CLEC12A: variants seen among roughly 807,000 people sequenced by gnomAD.
CLEC12A encodes the protein C-type lectin protein CLL-1.
CLEC12A carries 22 observed loss-of-function variants against 26.5 expected under a neutral mutation model. The ratio of observed to expected loss-of-function variants is 0.83; its 90% confidence interval spans 0.59 to 1.19. The LOEUF (loss-of-function observed/expected upper bound fraction) is 1.19. Among genes scored for constraint, CLEC12A ranks in the 50% most tolerant of loss-of-function variants. CLEC12A has a pLI of 0.00. For synonymous variants in CLEC12A, 119 were observed against 101.9 expected, an observed-to-expected ratio of 1.17 and a Z score of -1.01; for missense variants, 353 against 315.6, an observed-to-expected ratio of 1.12 and a Z score of -0.90.
downstream of CLEC12A, chr12:9,986,129 G>C (rs1009250815): frequency 1.1e-5 from 5 of 455,338 alleles, no homozygotes; most frequent in African/African-American, 1.0e-4. Flanking sequence ...CCACATCTCT[G>C]ATCTTCAAAA....
chr12:9,996,833 A>G (rs1367274727), downstream of CLEC12A: 1 of 1,613,774 alleles, frequency 6.2e-7, no homozygotes, highest in Non-Finnish European at 8.5e-7. Context: ...ATTTGACATA[A>G]GAATCTTCTT....
chr12:9,970,414 C>T (rs1305562620), upstream of CLEC12A, among the ~76,000 whole-genome samples: 1 of 151,994 alleles, frequency 6.6e-6, no homozygotes, highest in African/African-American at 2.4e-5. Context: ...TTTATGCATT[C>T]TCTTTCATAT....
At chr12:9,985,951 C>A, downstream of CLEC12A, 1 of 178,880 alleles carries the variant, frequency 5.6e-6, no homozygotes, top group Non-Finnish European at 1.2e-5. Context: ...GGAGGTTTGA[C>A]CTTGACCTAA....
At chr12:9,964,318 G>A (rs529720589) in intron 1 of CLEC12A, among the ~76,000 whole-genome samples, 2 of 152,122 alleles carry the variant, frequency 1.3e-5, no homozygotes, top group African/African-American at 2.4e-5. Flanking sequence ...CTGCATGTAA[G>A]GTGGGGACAG....
At chr12:9,991,347 T>A (rs906996823) in intron 4 of CLEC12A, 3 of 152,204 alleles carry the variant, frequency 2.0e-5, no homozygotes, top group Non-Finnish European at 4.4e-5. Flanking sequence ...GGCCTACATT[T>A]TTAATTGTAT....
chr12:9,984,982 GC>G lies in CLEC12A; in HGVS notation c.756del (p.Asn253IlefsTer21). ...AAAAAGAATGATATGTGAGAAGATG[GC>G]CAATCCAGTGCAGCTTGGTTCTACA... ...YKKRMICEKM[A>X]NPVQLGSTYF... On this transcript the variant is annotated frameshift_variant, in exon 6 of 6. Coordinates refer to ENST00000304361, the MANE Select transcript of CLEC12A (RefSeq NM_138337.6). LOFTEE classifies it high-confidence loss of function. 1 of 1,550,868 alleles carries G rather than the reference GC, an allele frequency of 6.4e-7. No homozygotes were observed. The highest frequency in any genetic ancestry group is 8.7e-7 in the Non-Finnish European group (1 of 1,146,260).
chr12:9,958,381 A>ATT (rs921771426), intron 1 of CLEC12A, among the ~76,000 whole-genome samples: 2 of 152,172 alleles, frequency 1.3e-5, no homozygotes, highest in African/African-American at 4.8e-5. Flanking sequence ...TGTGAGAACT[A>ATT]TTTACTCTGA....
chr12:9,974,293 A>G (rs1864246693), intron 1 of CLEC12A, among the ~76,000 whole-genome samples: 1 of 152,098 alleles, frequency 6.6e-6, no homozygotes, highest in Non-Finnish European at 1.5e-5. Flanking sequence ...CTCCTCCTAG[A>G]TGAAACTCTA....
At chr12:9,976,206 G>A (rs371241962) in intron 1 of CLEC12A, among the ~76,000 whole-genome samples, 20 of 152,234 alleles carry the variant, frequency 1.3e-4, no homozygotes, top group Middle Eastern at 3.4e-3. Context: ...GTGGACCACC[G>A]TCCTCCAGCT....
chr12:9,989,366 T>TAA (rs34124197), downstream of CLEC12A, among the ~76,000 whole-genome samples: 89 of 150,606 alleles, frequency 5.9e-4, no homozygotes, highest in Middle Eastern at 3.4e-3. Context: ...AGTATAATAA[T>TAA]AAAAAAAAAG....
chr12:9,990,532 C>T (rs548610419), downstream of CLEC12A, among the ~76,000 whole-genome samples: 6 of 152,270 alleles, frequency 3.9e-5, no homozygotes, highest in South Asian at 4.1e-4. Flanking sequence ...TATCAGGAAA[C>T]TTTAACAAAT....
intron 1 of CLEC12A, among the ~76,000 whole-genome samples, chr12:9,965,097 G>A (rs1416006008): frequency 6.6e-6 from 1 of 152,184 alleles, no homozygotes; most frequent in Admixed American, 6.5e-5. Flanking sequence ...TAGAGAATGA[G>A]TTGGGCATAG....
At chr12:9,956,858 A>T (rs573450093) in intron 1 of CLEC12A, among the ~76,000 whole-genome samples, 4 of 152,214 alleles carry the variant, frequency 2.6e-5, no homozygotes, top group Admixed American at 2.6e-4. Flanking sequence ...CATCCATGGT[A>T]TGGAGATACA....
chr12:9,980,519 G>C lies in CLEC12A; in HGVS notation c.380-63G>C. The C allele has an allele frequency of 2.8e-6, 4 of 1,433,610 alleles. No individual in the cohort carries two copies. In the South Asian group the frequency reaches 3.8e-5, roughly 14 times the overall value. The allele number at this position is 1,433,610 out of a possible 1,614,324, so 88.8% of individuals were successfully genotyped here. A position where few individuals can be genotyped will look rare whatever the true frequency, so the allele number is the denominator to read the frequency against. ...TGATCAATGTCACACAGAGAGGAAA[G>C]GAAATAATAAGAATTATTATGACTA... On this transcript the variant is annotated intron_variant, in intron 3 of 5. Transcript: ENST00000304361.
intron 1 of CLEC12A, among the ~76,000 whole-genome samples, chr12:9,954,264 G>C (rs981823669): frequency 3.3e-5 from 5 of 149,912 alleles, no homozygotes; most frequent in Non-Finnish European, 7.4e-5. Context: ...AAGAAACTGA[G>C]GTGGGCAGAT....
At chr12:9,958,789 C>T (rs1163552152) in intron 1 of CLEC12A, among the ~76,000 whole-genome samples, 1 of 152,094 alleles carries the variant, frequency 6.6e-6, no homozygotes, top group Non-Finnish European at 1.5e-5. Flanking sequence ...AAGGAAGTTC[C>T]CAAACCTCCA....
intron 4 of CLEC12A, among the ~76,000 whole-genome samples, chr12:9,990,750 C>T (rs553177377): frequency 5.3e-5 from 8 of 152,202 alleles, no homozygotes; most frequent in Non-Finnish European, 1.2e-4. Context: ...TTAACAGCAT[C>T]GCATTCTACA....
intron 3 of CLEC12A, among the ~76,000 whole-genome samples, chr12:9,979,983 C>T (rs945252901): frequency 6.6e-6 from 1 of 152,130 alleles, no homozygotes; most frequent in Non-Finnish European, 1.5e-5. Context: ...TTTCTATAGT[C>T]ATAGTTGCTA....
intron 1 of CLEC12A, among the ~76,000 whole-genome samples, chr12:9,954,678 T>G (rs1042242585): frequency 6.6e-6 from 1 of 152,238 alleles, no homozygotes; most frequent in African/African-American, 2.4e-5. Flanking sequence ...TTTGTGTGTA[T>G]GTAGGTATAT....
Sources: gnomAD v4.1 joint callset for allele counts (sites outside exome capture counted in the v4.1 genomes callset) on GRCh38, gnomAD v4.1.1 for gene constraint, MANE v1.5 for transcripts, NCBI Gene and HGNC (gene_info 2026-07-23, HGNC 2026-07-21) for gene names.